The following SCNN1B variants were observed in gnomAD, a reference collection of about 807,000 sequenced individuals.
SCNN1B encodes the protein sodium channel epithelial 1 subunit beta.
In SCNN1B, 46 loss-of-function variants were observed where a neutral mutation model predicts 65.3. That is an observed-to-expected ratio of 0.70 (90% CI 0.56 to 0.90). The LOEUF (loss-of-function observed/expected upper bound fraction) is 0.90. Among genes scored for constraint, SCNN1B ranks in the 40% least tolerant of loss-of-function variants. SCNN1B has a pLI of 0.00. For synonymous variants in SCNN1B, 349 were observed against 330.6 expected (o/e 1.06, Z -0.60); for missense variants, 751 against 830.5 (o/e 0.90, Z 1.18).
chr16:23,293,482 G>T (rs1596809994), intron 2 of SCNN1B, among the ~76,000 whole-genome samples: 1 of 152,170 alleles, frequency 6.6e-6, no homozygotes, highest in Non-Finnish European at 1.5e-5. Flanking sequence ...CATAGAGACA[G>T]GAAGTAGAAT....
intron 1 of SCNN1B, among the ~76,000 whole-genome samples, chr16:23,309,133 CA>C (rs750766270): frequency 1.7e-4 from 26 of 152,072 alleles, no homozygotes; most frequent in Admixed American, 3.3e-4. Flanking sequence ...TGGAAGAAAC[CA>C]ATTTTTTTTC....
intron 1 of SCNN1B, among the ~76,000 whole-genome samples, chr16:23,304,752 C>A (rs1207264066): frequency 2.0e-5 from 3 of 152,152 alleles, no homozygotes; most frequent in Non-Finnish European, 4.4e-5. Flanking sequence ...TGATGAAAAG[C>A]TAGAATCAGA....
At chr16:23,300,848 T>A (rs1011750961), upstream of SCNN1B, among the ~76,000 whole-genome samples, 1 of 151,708 alleles carries the variant, frequency 6.6e-6, no homozygotes, top group Non-Finnish European at 1.5e-5. Context: ...AAGAAAAAAA[T>A]TGTAAAAAAG....
intron 1 of SCNN1B, among the ~76,000 whole-genome samples, chr16:23,314,006 T>C (rs1961399347): frequency 6.6e-6 from 1 of 152,022 alleles, no homozygotes; most frequent in African/African-American, 2.4e-5. Context: ...TTTTTAATTA[T>C]TAATATTATT....
intron 2 of SCNN1B, among the ~76,000 whole-genome samples, chr16:23,350,509 T>G (rs8044970): frequency 0.23 from 35,648 of 152,062 alleles, 4,725 homozygotes; most frequent in South Asian, 0.49. Context: ...TGGCCAGATA[T>G]GGTGAAGAGA....
At position 23,312,945 on chromosome 16, in the gene SCNN1B, A is replaced by G. The variant is rs571966307; in HGVS notation, c.-9+10508A>G. Among the ~76,000 whole-genome samples, 5 of 152,320 alleles carry G rather than the reference A, an allele frequency of 3.3e-5. No individual in the cohort carries two copies. In the South Asian group the frequency reaches 1.0e-3, roughly 32 times the overall value. On this transcript the variant is annotated intron_variant, in intron 1 of 12. Transcript: ENST00000343070. ...TTTTCCTACATTTGGGTGGGAAGGC[A>G]GAAGATACTTTCTTTCCCAATACAA...
chr16:23,288,812 T>C lies in SCNN1B; in HGVS notation n.178+5008T>C, dbSNP rs578090129. On this transcript the variant is annotated intron_variant and non_coding_transcript_variant, in intron 2 of 3. Coordinates refer to the SCNN1B transcript ENST00000569789. ...TGATAGAGTGAATGTCTGCTAGGAC[T>C]TGGGTCTCATTTAAAGGCTCGACTG... is the stretch of plus-strand genomic sequence containing the variant. 5.3e-5 allele frequency among the ~76,000 whole-genome samples: 8 copies of C among 152,154 alleles called. No individual in the cohort carries two copies. The East Asian group carries it at 1.5e-3, about 29-fold the overall frequency.
chr16:23,301,095 G>T (rs183914200), upstream of SCNN1B, among the ~76,000 whole-genome samples: 1 of 152,040 alleles, frequency 6.6e-6, no homozygotes, highest in Non-Finnish European at 1.5e-5. Flanking sequence ...TGGGCATGGT[G>T]GCTCACACCT....
intron 4 of SCNN1B, among the ~76,000 whole-genome samples, chr16:23,364,884 G>A (rs1370903011): frequency 6.6e-6 from 1 of 152,080 alleles, no homozygotes; most frequent in African/African-American, 2.4e-5. Flanking sequence ...CTAGCACTTT[G>A]GGAGGCTGAG....
chr16:23,363,777 G>A (rs930068614), intron 4 of SCNN1B, among the ~76,000 whole-genome samples: 4 of 151,270 alleles, frequency 2.6e-5, no homozygotes, highest in African/African-American at 9.7e-5. Context: ...TCACGCCATT[G>A]CACTCCAGCC....
chr16:23,305,569 T>C (rs1235472470), intron 1 of SCNN1B, among the ~76,000 whole-genome samples: 2 of 44,568 alleles, frequency 4.5e-5, no homozygotes, highest in African/African-American at 1.3e-4. Context: ...TATATATATA[T>C]ATATATATTA....
intron 1 of SCNN1B, among the ~76,000 whole-genome samples, chr16:23,345,011 G>GAA: frequency 6.9e-6 from 1 of 145,606 alleles, no homozygotes; most frequent in East Asian, 2.0e-4. Flanking sequence ...GAGAGAGAAA[G>GAA]AGAGAGAGAG....
At chr16:23,333,138 G>T (rs1596844521) in intron 1 of SCNN1B, among the ~76,000 whole-genome samples, 1 of 111,342 alleles carries the variant, frequency 9.0e-6, no homozygotes, top group Non-Finnish European at 1.8e-5. Context: ...AGGGAGGGAG[G>T]AAGGAAGGAA....
intron 4 of SCNN1B, chr16:23,359,065 G>C (rs1194606261): frequency 6.6e-6 from 1 of 152,168 alleles, no homozygotes; most frequent in East Asian, 1.9e-4. Flanking sequence ...AAAGTCATGA[G>C]AAAGGAGCTG....
At chr16:23,285,671 A>G (rs1300169421) in intron 2 of SCNN1B, among the ~76,000 whole-genome samples, 1 of 152,064 alleles carries the variant, frequency 6.6e-6, no homozygotes, top group Non-Finnish European at 1.5e-5. Context: ...ATAAAAAAAA[A>G]TAATAAAAAA....
intron 4 of SCNN1B, among the ~76,000 whole-genome samples, chr16:23,363,663 A>G (rs1021096483): frequency 1.3e-5 from 2 of 151,956 alleles, no homozygotes; most frequent in Admixed American, 6.6e-5. Context: ...AAATTTTACA[A>G]ATTAGCTGGG....
intron 1 of SCNN1B, among the ~76,000 whole-genome samples, chr16:23,342,788 A>G (rs1189196952): frequency 6.6e-6 from 1 of 152,198 alleles, no homozygotes; most frequent in Non-Finnish European, 1.5e-5. Flanking sequence ...ATTTATATGA[A>G]ACATCCAAAA....
intron 3 of SCNN1B, among the ~76,000 whole-genome samples, 191 bp from the exon 4 acceptor site, chr16:23,355,099 TGGTCAGCAC>T (rs756256220): frequency 6.6e-6 from 1 of 152,098 alleles, no homozygotes; most frequent in Non-Finnish European, 1.5e-5. Flanking sequence ...GGGGATCTTG[TGGTCAGCAC>T]ACAGCTGTGT....
intron 1 of SCNN1B, among the ~76,000 whole-genome samples, chr16:23,320,610 C>T (rs72654303): frequency 2.6e-4 from 39 of 152,254 alleles, no homozygotes; most frequent in East Asian, 1.3e-3. Flanking sequence ...CAAAAGTTCT[C>T]GTCCATGTGT....
Sources: gnomAD v4.1 joint callset for allele counts (sites outside exome capture counted in the v4.1 genomes callset) on GRCh38, gnomAD v4.1.1 for gene constraint, MANE v1.5 for transcripts, NCBI Gene and HGNC (gene_info 2026-07-23, HGNC 2026-07-21) for gene names.